Variants in FXR1 observed in about 807,000 individuals in gnomAD.
FXR1 encodes the protein FMR1 autosomal homolog 1.
Under a neutral mutation model 84.0 loss-of-function variants are expected in FXR1, and 15 were observed. The ratio of observed to expected loss-of-function variants is 0.18; its 90% CI spans 0.12 to 0.27. The LOEUF is 0.27. Among genes scored for constraint, FXR1 ranks in the 10% least tolerant of loss-of-function variants. The pLI is 1.00. For synonymous variants in FXR1, 245 were observed against 250.7 expected, an observed-to-expected ratio of 0.98 and a Z score of 0.21; for missense variants, 480 against 774.4, an observed-to-expected ratio of 0.62 and a Z score of 4.51.
rs1000967662 is a variant in FXR1, at chr3:180,951,011, G to C, written c.631-287G>C. Reference sequence around the variant, plus strand: ...GAGGATTGCTTTAGCCCAAAAGTTCGAGACCAGCCTGGGTAACATAGTGAG... The same window carrying C: ...GAGGATTGCTTTAGCCCAAAAGTTCCAGACCAGCCTGGGTAACATAGTGAG... On this transcript the variant is annotated intron_variant, in intron 7 of 16. Transcript: ENST00000357559. Among the ~76,000 whole-genome samples the C allele has an allele frequency of 4.0e-5, 6 of 151,864 alleles. No individual in the cohort carries two copies. In the East Asian group the frequency reaches 1.2e-3, roughly 29 times the overall value.
chr3:180,982,332 A>G lies in FXR1; in HGVS notation c.*6040A>G, dbSNP rs941176408. 1 of 141,866 alleles carries G rather than the reference A, an allele frequency of 7.0e-6. No individual in the cohort carries two copies. Among genetic ancestry groups the G allele is most frequent in the Non-Finnish European group, 1.5e-5 (1 of 64,518 alleles). 8.8% of individuals were successfully genotyped at this position (141,866 alleles called of 1,614,324 possible). ...TTTATGGATCGTATTTGTATCAATCACCTACATGATCTAGAGCCCTCACAT... is the reference window on the plus strand; with the variant it reads ...TTTATGGATCGTATTTGTATCAATCGCCTACATGATCTAGAGCCCTCACAT... On this transcript the variant is annotated 3_prime_UTR_variant, in exon 17 of 17. Transcript: ENST00000357559.
intron 1 of FXR1, among the ~76,000 whole-genome samples, chr3:180,923,024 A>G (rs941022479): frequency 6.6e-6 from 1 of 152,164 alleles, no homozygotes; most frequent in East Asian, 1.9e-4. Flanking sequence ...GTCCTGGTTA[A>G]GACAGTCTGT....
chr3:180,949,415 C>A (rs1014009334), intron 7 of FXR1, 72 bp downstream of exon 7: 2 of 816,042 alleles, frequency 2.5e-6, no homozygotes, highest in Non-Finnish European at 4.4e-6. Flanking sequence ...GAGACAGATT[C>A]TGGCTCTGTT....
At chr3:180,914,315 C>T (rs1370326343) in intron 1 of FXR1, among the ~76,000 whole-genome samples, 3 of 152,146 alleles carry the variant, frequency 2.0e-5, no homozygotes, top group Admixed American at 6.6e-5. Flanking sequence ...AAAGAATAGA[C>T]TTATCTATGT....
chr3:180,957,900 A>G lies in FXR1; in HGVS notation c.962A>G (p.Asp321Gly). 1.3e-6 allele frequency: 2 copies of G among 1,547,228 alleles called. No homozygotes were observed. The highest frequency in any genetic ancestry group is 1.8e-6 in the Non-Finnish European group (2 of 1,125,790). ...GTGGTTCGAGTGAGAATTGAAGGGGACAATGAAAATAAATTACCCAGAGAA... is the reference window on the plus strand; with the variant it reads ...GTGGTTCGAGTGAGAATTGAAGGGGGCAATGAAAATAAATTACCCAGAGAA... ...SGVVRVRIEG[D>G]NENKLPREDG... is the part of the protein sequence containing the mutation. The change falls in exon 10 of 17, where the codon GAC becomes GGC. Residue 321 changes from aspartate (D) to glycine (G), a missense_variant. Asp to Gly is a moderately conservative substitution (Grantham distance 94). This residue lies in a region of FXR1 where 33 missense variants were observed against 42.4 expected (regional missense o/e 0.78). Transcript: ENST00000357559.
chr3:180,920,431 A>G (rs111248729), intron 1 of FXR1, among the ~76,000 whole-genome samples: 33 of 152,164 alleles, frequency 2.2e-4, no homozygotes, highest in African/African-American at 7.7e-4. Flanking sequence ...GGTCAAGTTC[A>G]GATATTGTCA....
intron 8 of FXR1, among the ~76,000 whole-genome samples, chr3:180,952,635 G>A (rs1722343021): frequency 1.3e-5 from 2 of 151,734 alleles, no homozygotes; most frequent in African/African-American, 2.4e-5. Flanking sequence ...ACTTTAAGTA[G>A]GCTGCTTTGA....
At chr3:180,918,164 A>G (rs1043452349) in intron 1 of FXR1, among the ~76,000 whole-genome samples, 1 of 152,078 alleles carries the variant, frequency 6.6e-6, no homozygotes, top group African/African-American at 2.4e-5. Context: ...GTTATTTTCT[A>G]TGTCAGATAT....
intron 1 of FXR1, among the ~76,000 whole-genome samples, chr3:180,913,481 A>G (rs1169008810): frequency 6.6e-6 from 1 of 151,994 alleles, no homozygotes; most frequent in Non-Finnish European, 1.5e-5. Context: ...TAATTTCTTT[A>G]TATCACTGCC....
At chr3:180,922,692 A>T (rs1035103248) in intron 1 of FXR1, among the ~76,000 whole-genome samples, 4 of 152,186 alleles carry the variant, frequency 2.6e-5, no homozygotes, top group Admixed American at 1.3e-4. Context: ...GGCTCATTGC[A>T]GTCTTGACCT....
intron 1 of FXR1, among the ~76,000 whole-genome samples, chr3:180,922,374 A>G (rs113060147): frequency 1.3e-3 from 201 of 152,292 alleles, no homozygotes; most frequent in African/African-American, 4.5e-3. Flanking sequence ...GTAAAGGGAT[A>G]TCTCATTGGA....
intron 3 of FXR1, among the ~76,000 whole-genome samples, chr3:180,939,774 C>T (rs1221663874): frequency 6.6e-6 from 1 of 152,054 alleles, no homozygotes. Flanking sequence ...CAGTTTTGTG[C>T]CAGACTCACA....
rs779938813 is a variant in FXR1, at chr3:180,975,420, C to A, written c.1695+16C>A. The A allele has an allele frequency of 9.4e-7, 1 of 1,065,474 alleles. No homozygotes were observed. 66.0% of individuals were successfully genotyped at this position (1,065,474 alleles called of 1,614,324 possible). On this transcript the variant is annotated intron_variant, in intron 16 of 16. Transcript: ENST00000357559. The stretch of plus-strand genomic sequence containing the variant: ...GAAAGAAATGGTAAGGAGAATTTAA[C>A]CTGTAGGTTTTTTTTTTTTTTAATT...
intron 15 of FXR1, among the ~76,000 whole-genome samples, chr3:180,975,108 A>G (rs2108499087): frequency 6.6e-6 from 1 of 152,274 alleles, no homozygotes; most frequent in South Asian, 2.1e-4. Context: ...AGATTTCCTC[A>G]ATCTCAAGCT....
chr3:180,942,043 A>G (rs1257492701), intron 3 of FXR1, among the ~76,000 whole-genome samples: 4 of 152,116 alleles, frequency 2.6e-5, no homozygotes, highest in African/African-American at 9.7e-5. Context: ...ACTGGTAAAA[A>G]TTCTCTGTCT....
chr3:180,927,136 C>T (rs1365585449), intron 1 of FXR1, among the ~76,000 whole-genome samples: 2 of 151,990 alleles, frequency 1.3e-5, no homozygotes, highest in Non-Finnish European at 2.9e-5. Context: ...GCCTTATTTC[C>T]TCTGATTAAC....
chr3:180,940,585 C>CTTTTTTTTT lies in FXR1; in HGVS notation c.198+5356_198+5364dup, dbSNP rs58770842. Among the ~76,000 whole-genome samples, 1,348 of 147,340 alleles carry CTTTTTTTTT rather than the reference C, an allele frequency of 9.1e-3. 26 individuals are homozygous for CTTTTTTTTT. Among genetic ancestry groups the CTTTTTTTTT allele is most frequent in the African/African-American group, 0.033 (1,288 of 39,584 alleles). On this transcript the variant is annotated intron_variant, in intron 3 of 16. Transcript: ENST00000357559. Reference sequence around the variant, plus strand: ...TTTAGTTTTTGTTTTTTTCTGTTTTCTTTTTTTTTTGGAGATGGAGTTTCG... The same window carrying CTTTTTTTTT: ...TTTAGTTTTTGTTTTTTTCTGTTTTCTTTTTTTTTTTTTTTTTTTGGAGATGGAGTTTCG...
In FXR1 at chr3:180,917,300, T is replaced by C. The variant is rs754102631; in HGVS notation, c.51+4564T>C. On this transcript the variant is annotated intron_variant, in intron 1 of 16. Transcript: ENST00000357559. The stretch of plus-strand genomic sequence containing the variant: ...TAGATATATTAATAATGATGACCAA[T>C]AGAATTATAGTAAAAAGTTGCGTTC... Among the ~76,000 whole-genome samples the C allele has an allele frequency of 8.9e-4, 135 of 152,200 alleles. 1 individual carries two copies. Among genetic ancestry groups the C allele is most frequent in the Non-Finnish European group, 1.4e-3 (98 of 68,038 alleles).
intron 3 of FXR1, among the ~76,000 whole-genome samples, chr3:180,939,337 A>G (rs926373185): frequency 2.0e-5 from 3 of 152,142 alleles, no homozygotes; most frequent in East Asian, 1.9e-4. Flanking sequence ...TTTTTGGTCA[A>G]TAAACACTTT....
Sources: allele counts gnomAD v4.1 joint callset (sites outside exome capture counted in the v4.1 genomes callset), GRCh38; gene constraint gnomAD v4.1.1; regional missense constraint gnomAD v4.1.1; transcripts MANE v1.5; gene names NCBI Gene and HGNC (gene_info 2026-07-23, HGNC 2026-07-21).